Variants in ME3 observed in about 807,000 individuals in gnomAD.
ME3 encodes malic enzyme 3, also known as NADP-dependent malic enzyme, mitochondrial.
A neutral mutation model predicts 68.9 loss-of-function variants in ME3; 48 were observed. That is an observed-to-expected ratio of 0.70 (90% CI 0.55 to 0.89). ME3 has a LOEUF of 0.89. ME3 is among the 40% of genes least tolerant of loss of function. The pLI, the probability that ME3 is intolerant of heterozygous loss-of-function variation, is 0.00. For missense variants in ME3, 675 were observed against 797.4 expected (o/e 0.85, Z 1.85); for synonymous variants, 320 against 318.8 (o/e 1.00, Z -0.04).
At chr11:86,646,980 C>A (rs570180492) in intron 2 of ME3, among the ~76,000 whole-genome samples, 1 of 152,250 alleles carries the variant, frequency 6.6e-6, no homozygotes, top group African/African-American at 2.4e-5. Flanking sequence ...GAAATAAAAT[C>A]TTTTATAGAC....
chr11:86,547,482 C>T (rs574891084), intron 4 of ME3, among the ~76,000 whole-genome samples: 10 of 71,416 alleles, frequency 1.4e-4, no homozygotes, highest in African/African-American at 2.2e-4. Context: ...GCCTGTCGGG[C>T]GGGTGGGGGG....
chr11:86,624,116 G>A (rs1169384456), intron 2 of ME3, among the ~76,000 whole-genome samples: 1 of 152,168 alleles, frequency 6.6e-6, no homozygotes, highest in Non-Finnish European at 1.5e-5. Flanking sequence ...TTTGGGAGCT[G>A]TGGGGCAGCC....
chr11:86,609,368 T>G (rs781302193), intron 2 of ME3, among the ~76,000 whole-genome samples: 18 of 152,166 alleles, frequency 1.2e-4, no homozygotes, highest in Non-Finnish European at 2.1e-4. Flanking sequence ...TCTGACTACA[T>G]GTGTCCTGAG....
At chr11:86,605,969 C>A (rs1262346644) in intron 2 of ME3, among the ~76,000 whole-genome samples, 1 of 152,162 alleles carries the variant, frequency 6.6e-6, no homozygotes, top group Non-Finnish European at 1.5e-5. Flanking sequence ...CCAGAAAAAT[C>A]TGACTATTTC....
chr11:86,441,020 G>C, downstream of ME3: 1 of 293,520 alleles, frequency 3.4e-6, no homozygotes, highest in Non-Finnish European at 6.3e-6. Context: ...TTTCCCACAA[G>C]GCCTGGCCAG....
intron 4 of ME3, among the ~76,000 whole-genome samples, chr11:86,526,020 T>G (rs1401541468): frequency 6.6e-6 from 1 of 152,198 alleles, no homozygotes; most frequent in African/African-American, 2.4e-5. Context: ...AGAAAGTGGA[T>G]GCAGGACAGT....
At chr11:86,526,226 G>A (rs996130740) in intron 4 of ME3, among the ~76,000 whole-genome samples, 30 of 152,332 alleles carry the variant, frequency 2.0e-4, no homozygotes, top group African/African-American at 4.8e-4. Flanking sequence ...ATTATATCCC[G>A]TGCATGGCTC....
chr11:86,601,434 C>A (rs1458568248), intron 2 of ME3, among the ~76,000 whole-genome samples: 1 of 152,082 alleles, frequency 6.6e-6, no homozygotes. Flanking sequence ...AGACCAATAA[C>A]AGGCTCTGAA....
intron 7 of ME3, among the ~76,000 whole-genome samples, chr11:86,471,958 T>C (rs113523692): frequency 0.012 from 1,891 of 152,268 alleles, 38 homozygotes; most frequent in African/African-American, 0.042. Context: ...AATAAAGATA[T>C]GTGCCAGGTA....
intron 4 of ME3, among the ~76,000 whole-genome samples, chr11:86,526,251 C>T (rs1201537050): frequency 1.3e-5 from 2 of 152,196 alleles, no homozygotes; most frequent in African/African-American, 4.8e-5. Flanking sequence ...GGTCCTATGC[C>T]CATGGAGCCT....
At chr11:86,566,419 T>TC (rs1957482611) in intron 2 of ME3, among the ~76,000 whole-genome samples, 1 of 152,118 alleles carries the variant, frequency 6.6e-6, no homozygotes, top group South Asian at 2.1e-4. Context: ...GCATCAGAGC[T>TC]CCCTTCATTC....
chr11:86,627,881 T>C (rs1165298498), intron 2 of ME3, among the ~76,000 whole-genome samples: 1 of 152,164 alleles, frequency 6.6e-6, no homozygotes, highest in Non-Finnish European at 1.5e-5. Flanking sequence ...CATAAGCAAT[T>C]CCCAGTTTCA....
chr11:86,656,044 A>G (rs1323805732), intron 2 of ME3, among the ~76,000 whole-genome samples: 1 of 151,342 alleles, frequency 6.6e-6, no homozygotes, highest in Non-Finnish European at 1.5e-5. Context: ...CAAAACCACA[A>G]TGAGATACCA....
intron 4 of ME3, among the ~76,000 whole-genome samples, chr11:86,515,181 C>T (rs1953807104): frequency 3.3e-5 from 5 of 152,140 alleles, no homozygotes; most frequent in Admixed American, 3.3e-4. Flanking sequence ...ATGTTCCCCG[C>T]AAAAGCTAAT....
intron 2 of ME3, among the ~76,000 whole-genome samples, chr11:86,598,841 G>A (rs996947437): frequency 6.6e-6 from 1 of 152,104 alleles, no homozygotes; most frequent in Non-Finnish European, 1.5e-5. Context: ...AGGCAAACAG[G>A]GTCTGGAGTG....
In ME3 at chr11:86,530,070, C is replaced by T. The variant is rs140093875; in HGVS notation, c.468-21203G>A. ...GGAAAAGAGGACGTCAAATTGTCCCCGTTTGCAGATGACATTGTATATCTA... is the reference window on the plus strand; with the variant it reads ...GGAAAAGAGGACGTCAAATTGTCCCTGTTTGCAGATGACATTGTATATCTA... On this transcript the variant is annotated intron_variant, in intron 4 of 14. Coordinates refer to ENST00000543262, the Ensembl canonical transcript of ME3. 8.2e-3 allele frequency among the ~76,000 whole-genome samples: 1,251 copies of T among 152,256 alleles called. 8 individuals carry two copies. The highest frequency in any genetic ancestry group is 0.025 in the African/African-American group (1,056 of 41,554).
intron 4 of ME3, 88 bp downstream of exon 4, chr11:86,556,465 A>T (rs1956928579): frequency 1.4e-6 from 2 of 1,456,660 alleles, no homozygotes; most frequent in African/African-American, 2.8e-5. Context: ...GTTAGCCTCC[A>T]GAGTCCCAAT....
chr11:86,447,310 GGT>G (rs1300263212), intron 11 of ME3, 103 bp from the exon 12 acceptor site: 2 of 1,456,750 alleles, frequency 1.4e-6, no homozygotes, highest in Admixed American at 4.2e-5. Flanking sequence ...TGAAAGACTC[GGT>G]CTTGGGCCCA....
In ME3 at chr11:86,521,723, C is replaced by T. The variant is rs1199504397; in HGVS notation, c.468-12856G>A. ...ACAATTATTTATTTTTCTTTTCACT[C>T]TCAAAAACTCACTGATCTGTAGATC... On this transcript the variant is annotated intron_variant, in intron 4 of 14. Transcript: ENST00000543262. 2.0e-5 allele frequency among the ~76,000 whole-genome samples: 3 copies of T among 152,154 alleles called. 1 individual carries two copies. The highest frequency in any genetic ancestry group is 6.5e-5 in the Admixed American group (1 of 15,278).
Sources: allele counts gnomAD v4.1 joint callset (sites outside exome capture counted in the v4.1 genomes callset), GRCh38; gene constraint gnomAD v4.1.1; transcripts MANE v1.5; gene names NCBI Gene and HGNC (gene_info 2026-07-23, HGNC 2026-07-21).